The following CTNNA2 variants were observed in gnomAD, a reference collection of about 807,000 sequenced individuals.
The protein encoded by CTNNA2 is catenin alpha-2.
A neutral mutation model predicts 101.0 loss-of-function variants in CTNNA2; 42 were observed. That is an observed-to-expected ratio of 0.42 (90% CI 0.32 to 0.54). CTNNA2 has a LOEUF of 0.54. Among genes scored for constraint, CTNNA2 ranks in the 20% least tolerant of loss-of-function variants. The pLI, the probability that CTNNA2 is intolerant of heterozygous loss-of-function variation, is 0.14. For missense variants in CTNNA2, 871 were observed against 1,223.1 expected, an observed-to-expected ratio of 0.71 and a Z score of 4.29; for synonymous variants, 450 against 456.4, an observed-to-expected ratio of 0.99 and a Z score of 0.18.
intron 15 of CTNNA2, among the ~76,000 whole-genome samples, chr2:80,591,239 A>G (rs1696460028): frequency 6.6e-6 from 1 of 152,116 alleles, no homozygotes; most frequent in Non-Finnish European, 1.5e-5. Context: ...CTTCAGTTTC[A>G]TAGGGATTTC....
intron 9 of CTNNA2, among the ~76,000 whole-genome samples, chr2:80,454,635 C>G (rs1683805227): frequency 6.6e-6 from 1 of 152,224 alleles, no homozygotes; most frequent in Admixed American, 6.5e-5. Flanking sequence ...ATGAGCAGAA[C>G]TCAGTGAGGC....
intron 7 of CTNNA2, among the ~76,000 whole-genome samples, chr2:80,165,870 A>G (rs1704648710): frequency 1.3e-5 from 2 of 152,154 alleles, no homozygotes; most frequent in African/African-American, 4.8e-5. Flanking sequence ...TGAATGTTGG[A>G]ACATGTCATT....
intron 9 of CTNNA2, among the ~76,000 whole-genome samples, chr2:80,487,438 C>G (rs1269554123): frequency 1.3e-5 from 2 of 152,006 alleles, no homozygotes; most frequent in African/African-American, 4.8e-5. Flanking sequence ...GGGGAGGCCT[C>G]AGAAAACTTA....
chr2:80,581,578 G>A lies in CTNNA2; in HGVS notation c.1894-128G>A, dbSNP rs1057007757. On this transcript the variant is annotated intron_variant, in intron 13 of 18. Transcript: ENST00000402739. Reference sequence around the variant, plus strand: ...CCGGCTAATACTCACCCACATAGCTGTGTGGGTGCTATGTAGGATGCTATA... The same window carrying A: ...CCGGCTAATACTCACCCACATAGCTATGTGGGTGCTATGTAGGATGCTATA... 2.4e-5 allele frequency: 15 copies of A among 627,890 alleles called. No individual in the cohort carries two copies. The Middle Eastern group carries it at 1.3e-3, about 53-fold the overall frequency. The allele number at this position is 627,890 out of a possible 1,614,324, so 38.9% of individuals were successfully genotyped here.
chr2:79,826,663 T>A (rs1000483629), intron 3 of CTNNA2, among the ~76,000 whole-genome samples: 1 of 152,220 alleles, frequency 6.6e-6, no homozygotes, highest in Non-Finnish European at 1.5e-5. Context: ...GACACATGCT[T>A]CTATGAGAAG....
At chr2:79,414,039 C>A (rs114921167) in intron 4 of CTNNA2, among the ~76,000 whole-genome samples, 2 of 149,068 alleles carry the variant, frequency 1.3e-5, no homozygotes, top group African/African-American at 4.9e-5. Flanking sequence ...CTCAGGCATG[C>A]GGTTTTTTTA....
chr2:79,506,441 T>C (rs1007469204), intron 5 of CTNNA2, among the ~76,000 whole-genome samples: 3 of 152,214 alleles, frequency 2.0e-5, no homozygotes, highest in Admixed American at 6.5e-5. Flanking sequence ...GTATGGACCA[T>C]GGAGTCAGAC....
intron 7 of CTNNA2, among the ~76,000 whole-genome samples, chr2:80,085,256 T>C (rs984173904): frequency 1.3e-5 from 2 of 152,098 alleles, no homozygotes; most frequent in African/African-American, 2.4e-5. Flanking sequence ...CCTCAACTCA[T>C]GTTCCTGCAA....
At chr2:80,542,795 T>C (rs371264917) in intron 9 of CTNNA2, among the ~76,000 whole-genome samples, 20 of 152,272 alleles carry the variant, frequency 1.3e-4, no homozygotes, top group African/African-American at 2.2e-4. Flanking sequence ...AAAGCAGATA[T>C]AGGAAAAATT....
At chr2:79,812,284 G>T (rs1677104119) in intron 3 of CTNNA2, among the ~76,000 whole-genome samples, 1 of 152,086 alleles carries the variant, frequency 6.6e-6, no homozygotes, top group Non-Finnish European at 1.5e-5. Context: ...AATAGAAGTG[G>T]TTAAGTGCAG....
chr2:79,410,544 C>T (rs1426158879), intron 4 of CTNNA2, among the ~76,000 whole-genome samples: 4 of 152,148 alleles, frequency 2.6e-5, no homozygotes, highest in Non-Finnish European at 5.9e-5. Flanking sequence ...TTCTTTTCTG[C>T]ATCTATTGAG....
intron 1 of CTNNA2, among the ~76,000 whole-genome samples, chr2:79,590,024 C>T (rs1676745438): frequency 6.6e-6 from 1 of 152,174 alleles, no homozygotes; most frequent in Non-Finnish European, 1.5e-5. Flanking sequence ...GAGAGATTAA[C>T]GTTTCACATG....
At chr2:79,933,985 C>G (rs1379482242) in intron 7 of CTNNA2, among the ~76,000 whole-genome samples, 1 of 151,956 alleles carries the variant, frequency 6.6e-6, no homozygotes, top group Non-Finnish European at 1.5e-5. Flanking sequence ...TAATAGAAAC[C>G]ATTCCAAAAT....
chr2:79,827,109 G>A (rs925029081), intron 3 of CTNNA2, among the ~76,000 whole-genome samples: 1 of 152,102 alleles, frequency 6.6e-6, no homozygotes, highest in Non-Finnish European at 1.5e-5. Context: ...CATGATCTCG[G>A]CTCGCTGCAA....
At chr2:80,367,549 C>G (rs1477174761) in intron 7 of CTNNA2, among the ~76,000 whole-genome samples, 2 of 151,684 alleles carry the variant, frequency 1.3e-5, no homozygotes, top group Non-Finnish European at 2.9e-5. Flanking sequence ...TTTTATTTTG[C>G]CAGCAGCTAC....
rs548218355 is a variant in CTNNA2, at chr2:79,299,053, G to A, written c.-405-13656G>A. On this transcript the variant is annotated intron_variant, in intron 2 of 21. Transcript: ENST00000466387. ...TCTCCTTCATTATTGAGAATGCTAA[G>A]TCTGAGATAAACTTCATTAAATGGG... Among the ~76,000 whole-genome samples, 6 of 152,294 alleles carry A rather than the reference G, an allele frequency of 3.9e-5. 1 individual carries two copies. Among genetic ancestry groups the A allele is most frequent in the African/African-American group, 1.2e-4 (5 of 41,568 alleles).
chr2:80,513,934 A>G (rs909483778), intron 9 of CTNNA2, among the ~76,000 whole-genome samples: 1 of 152,168 alleles, frequency 6.6e-6, no homozygotes, highest in Non-Finnish European at 1.5e-5. Flanking sequence ...CTTTTCTACC[A>G]TACAAAGTCT....
At chr2:80,393,108 A>T in intron 7 of CTNNA2, 103 bp from the exon 8 acceptor site, 1 of 810,458 alleles carries the variant, frequency 1.2e-6, no homozygotes, top group Non-Finnish European at 1.9e-6. Context: ...TTTTTAAAAA[A>T]TTGTTTGAAT....
intron 2 of CTNNA2, among the ~76,000 whole-genome samples, chr2:79,672,049 T>G (rs998784834): frequency 6.6e-6 from 1 of 152,222 alleles, no homozygotes; most frequent in African/African-American, 2.4e-5. Flanking sequence ...TTTATTTTAT[T>G]TTTATTTTTA....
Sources: allele counts gnomAD v4.1 joint callset (sites outside exome capture counted in the v4.1 genomes callset), GRCh38; gene constraint gnomAD v4.1.1; transcripts MANE v1.5; gene names NCBI Gene and HGNC (gene_info 2026-07-23, HGNC 2026-07-21).